The following EVI5 variants were observed in gnomAD, a reference collection of about 807,000 sequenced individuals.
The protein encoded by EVI5 is ecotropic viral integration site 5 protein homolog.
EVI5 carries 73 observed loss-of-function variants against 112.0 expected under a neutral mutation model. That is an observed-to-expected ratio of 0.65 (90% CI 0.54 to 0.79). The LOEUF (loss-of-function observed/expected upper bound fraction) is 0.79. Ranked by LOEUF, EVI5 falls within the 30% of genes least tolerant of loss-of-function variation. EVI5 has a pLI of 0.00. For missense variants in EVI5, 900 were observed against 968.8 expected (o/e 0.93, Z 0.94); for synonymous variants, 305 against 319.9 (o/e 0.95, Z 0.50).
chr1:92,618,696 C>A (rs1366060263), intron 16 of EVI5, among the ~76,000 whole-genome samples: 1 of 152,106 alleles, frequency 6.6e-6, no homozygotes, highest in Non-Finnish European at 1.5e-5. Context: ...TTGCTGAAGG[C>A]AAAGGGAATA....
chr1:92,630,490 C>A (rs1247623208), intron 14 of EVI5, among the ~76,000 whole-genome samples: 1 of 152,112 alleles, frequency 6.6e-6, no homozygotes, highest in Non-Finnish European at 1.5e-5. Flanking sequence ...CTGTTCATAT[C>A]CTTCACCCAC....
At chr1:92,733,603 G>A (rs1409244135) in intron 2 of EVI5, among the ~76,000 whole-genome samples, 1 of 151,328 alleles carries the variant, frequency 6.6e-6, no homozygotes, top group Non-Finnish European at 1.5e-5. Flanking sequence ...GTAAAGATGA[G>A]GTTTCACCAT....
chr1:92,619,593 A>C (rs1209558353), intron 16 of EVI5, among the ~76,000 whole-genome samples: 1 of 151,946 alleles, frequency 6.6e-6, no homozygotes, highest in African/African-American at 2.4e-5. Flanking sequence ...GATAGGTAAT[A>C]GCAGAAAAAT....
intron 13 of EVI5, among the ~76,000 whole-genome samples, chr1:92,637,098 ATCT>A (rs1659014921): frequency 6.6e-6 from 1 of 152,204 alleles, no homozygotes; most frequent in Admixed American, 6.5e-5. Context: ...AAATGTAGAA[ATCT>A]TCTTCAAAAG....
intron 13 of EVI5, among the ~76,000 whole-genome samples, chr1:92,639,068 C>T (rs949164718): frequency 2.0e-5 from 3 of 151,946 alleles, no homozygotes; most frequent in East Asian, 3.9e-4. Flanking sequence ...CAAGGGGAGC[C>T]GTTTATTTAA....
intron 19 of EVI5, among the ~76,000 whole-genome samples, chr1:92,559,689 G>T (rs1238128578): frequency 7.0e-6 from 1 of 141,922 alleles, no homozygotes; most frequent in African/African-American, 2.7e-5. Flanking sequence ...CAGGAGAATT[G>T]CTTGAACCCG....
intron 19 of EVI5, among the ~76,000 whole-genome samples, chr1:92,562,102 C>T (rs1668729887): frequency 6.6e-6 from 1 of 152,156 alleles, no homozygotes; most frequent in African/African-American, 2.4e-5. Flanking sequence ...TGGGAGGTTG[C>T]TTTATTTTAA....
At chr1:92,662,615 C>T in intron 13 of EVI5, 104 bp downstream of exon 13, 1 of 785,130 alleles carries the variant, frequency 1.3e-6, no homozygotes, top group Non-Finnish European at 1.6e-6. Context: ...AAGTCTAAAA[C>T]AAAATTATTT....
chr1:92,714,686 C>G (rs1673347374), intron 2 of EVI5, among the ~76,000 whole-genome samples: 1 of 152,108 alleles, frequency 6.6e-6, no homozygotes, highest in Non-Finnish European at 1.5e-5. Context: ...AATTTCTGGG[C>G]TACAGCAATA....
At chr1:92,593,774 T>C (rs1372455683) in intron 18 of EVI5, among the ~76,000 whole-genome samples, 2 of 151,988 alleles carry the variant, frequency 1.3e-5, no homozygotes, top group Non-Finnish European at 2.9e-5. Context: ...TATACACCAA[T>C]AACAGACAAA....
chr1:92,704,474 GT>G, intron 3 of EVI5, 80 bp downstream of exon 3: 2 of 872,088 alleles, frequency 2.3e-6, no homozygotes, highest in Non-Finnish European at 3.4e-6. Flanking sequence ...TGTATTTGGG[GT>G]TTTTTTCCCA....
At chr1:92,706,965 T>C (rs1176087615) in intron 2 of EVI5, among the ~76,000 whole-genome samples, 1 of 151,988 alleles carries the variant, frequency 6.6e-6, no homozygotes, top group Non-Finnish European at 1.5e-5. Context: ...GCGGATGACC[T>C]GAGGTTGGGA....
intron 19 of EVI5, among the ~76,000 whole-genome samples, chr1:92,524,158 AAAAG>A (rs1165333831): frequency 6.6e-6 from 1 of 151,760 alleles, no homozygotes; most frequent in African/African-American, 2.4e-5. Context: ...AAAAAAAAAA[AAAAG>A]ATTCTTGAGC....
At chr1:92,623,716 G>A (rs1322680665) in intron 16 of EVI5, among the ~76,000 whole-genome samples, 1 of 152,236 alleles carries the variant, frequency 6.6e-6, no homozygotes, top group African/African-American at 2.4e-5. Context: ...GGCAATGTGT[G>A]CAGAAACATT....
At chr1:92,539,559 A>AAAC (rs1557741075) in intron 19 of EVI5, among the ~76,000 whole-genome samples, 2 of 23,214 alleles carry the variant, frequency 8.6e-5, no homozygotes, top group African/African-American at 2.9e-4. Context: ...AAAAAAAAAA[A>AAAC]AAAAAAATCT....
At chr1:92,629,619 T>C (rs746201326) in intron 14 of EVI5, among the ~76,000 whole-genome samples, 2 of 152,244 alleles carry the variant, frequency 1.3e-5, no homozygotes, top group Non-Finnish European at 2.9e-5. Flanking sequence ...TTGTTCTAGA[T>C]TGGACAGTTC....
At chr1:92,651,819 C>T (rs1355226219) in intron 13 of EVI5, among the ~76,000 whole-genome samples, 1 of 144,008 alleles carries the variant, frequency 6.9e-6, no homozygotes, top group South Asian at 2.3e-4. Context: ...CCACTGCACT[C>T]CAGCCTGGGC....
At chr1:92,611,925 G>GAAAAAA (rs921423006) in intron 16 of EVI5, among the ~76,000 whole-genome samples, 1 of 147,372 alleles carries the variant, frequency 6.8e-6, no homozygotes, top group Non-Finnish European at 1.5e-5. Flanking sequence ...ATTTAAAAAA[G>GAAAAAA]AAAAAAAAAT....
At chr1:92,553,099 G>T (rs1420144347) in intron 19 of EVI5, among the ~76,000 whole-genome samples, 2 of 151,818 alleles carry the variant, frequency 1.3e-5, no homozygotes, top group Non-Finnish European at 2.9e-5. Context: ...TGAAAGTCTT[G>T]AATAAAGTAA....
Sources: gnomAD v4.1 joint callset for allele counts (sites outside exome capture counted in the v4.1 genomes callset) on GRCh38, gnomAD v4.1.1 for gene constraint, MANE v1.5 for transcripts, NCBI Gene and HGNC (gene_info 2026-07-23, HGNC 2026-07-21) for gene names.